The following XYLT1 variants were observed in gnomAD, a reference collection of about 807,000 sequenced individuals.
XYLT1 encodes the protein xylosyltransferase 1.
In XYLT1, 36 loss-of-function variants were observed where a neutral mutation model predicts 91.3. The ratio of observed to expected loss-of-function variants is 0.39; its 90% CI spans 0.30 to 0.52. XYLT1 has a LOEUF of 0.52. XYLT1 is among the 20% of genes least tolerant of loss of function. XYLT1 has a pLI of 0.68. For missense variants in XYLT1, 1,242 were observed against 1,284.5 expected (o/e 0.97, Z 0.51); for synonymous variants, 588 against 532.0 (o/e 1.11, Z -1.45).
At chr16:17,296,105 T>C (rs1217556484) in intron 2 of XYLT1, among the ~76,000 whole-genome samples, 1 of 152,122 alleles carries the variant, frequency 6.6e-6, no homozygotes, top group Non-Finnish European at 1.5e-5. Context: ...AAATGTCCTA[T>C]TTTATGTGGG....
In XYLT1 at chr16:17,103,869, T is replaced by G. The variant is rs1277708114; in HGVS notation, c.*4826A>C. The G allele has an allele frequency of 2.6e-5, 4 of 152,106 alleles. No homozygotes were observed. Among genetic ancestry groups the G allele is most frequent in the African/African-American group, 9.7e-5 (4 of 41,324 alleles). 9.4% of individuals were successfully genotyped at this position (152,106 alleles called of 1,614,324 possible). ...GGCGCAAGAAAGCCCTCCTCCATCT[T>G]AAGAGGGTCCTATACAGTATCTTGT... On this transcript the variant is annotated 3_prime_UTR_variant, in exon 12 of 12. Transcript: ENST00000261381.
intron 1 of XYLT1, among the ~76,000 whole-genome samples, chr16:17,460,762 A>G (rs896005856): frequency 1.3e-5 from 2 of 152,194 alleles, no homozygotes; most frequent in Admixed American, 1.3e-4. Flanking sequence ...CCAAAAATCT[A>G]CGCTGTCTCA....
At chr16:17,190,629 C>A (rs903182679) in intron 5 of XYLT1, among the ~76,000 whole-genome samples, 3 of 152,026 alleles carry the variant, frequency 2.0e-5, no homozygotes, top group Non-Finnish European at 4.4e-5. Flanking sequence ...TGAACTCATC[C>A]TTTTTTATGG....
intron 1 of XYLT1, among the ~76,000 whole-genome samples, chr16:17,416,216 C>A (rs983324491): frequency 2.6e-5 from 4 of 152,222 alleles, no homozygotes; most frequent in African/African-American, 9.7e-5. Context: ...TGTCTCCAGA[C>A]ATTGCCAGAT....
intron 3 of XYLT1, among the ~76,000 whole-genome samples, chr16:17,215,078 G>A (rs997672919): frequency 2.6e-5 from 4 of 152,160 alleles, no homozygotes; most frequent in African/African-American, 9.6e-5. Flanking sequence ...AAGTTGGGCC[G>A]AGTGTGGCGG....
chr16:17,315,574 T>C (rs545881408), intron 2 of XYLT1, among the ~76,000 whole-genome samples: 1 of 152,296 alleles, frequency 6.6e-6, no homozygotes, highest in African/African-American at 2.4e-5. Flanking sequence ...AGGATGTCTA[T>C]TATTCTAGGA....
chr16:17,152,600 C>A (rs989680518), intron 6 of XYLT1, among the ~76,000 whole-genome samples: 2 of 152,188 alleles, frequency 1.3e-5, no homozygotes, highest in Non-Finnish European at 2.9e-5. Flanking sequence ...GACTGATTTG[C>A]CAACTTTTGT....
intron 1 of XYLT1, among the ~76,000 whole-genome samples, chr16:17,466,640 T>TA (rs1555459241): frequency 1.3e-5 from 2 of 152,252 alleles, no homozygotes; most frequent in Non-Finnish European, 1.5e-5. Context: ...AATGAATTGA[T>TA]AAACTGAAGA....
At chr16:17,230,803 C>T (rs912963110) in intron 3 of XYLT1, among the ~76,000 whole-genome samples, 1 of 152,158 alleles carries the variant, frequency 6.6e-6, no homozygotes, top group African/African-American at 2.4e-5. Flanking sequence ...AACTCAGTGG[C>T]CCTCAACTGG....
chr16:17,379,206 G>C (rs149911166), intron 1 of XYLT1, among the ~76,000 whole-genome samples: 2 of 152,240 alleles, frequency 1.3e-5, no homozygotes, highest in East Asian at 3.9e-4. Context: ...ACCACACTCC[G>C]CTCCAAGGAG....
chr16:17,399,386 G>C (rs1391700298), intron 1 of XYLT1, among the ~76,000 whole-genome samples: 1 of 152,180 alleles, frequency 6.6e-6, no homozygotes, highest in Middle Eastern at 3.2e-3. Flanking sequence ...TCAAGGGAAG[G>C]GGTGTGGACA....
intron 3 of XYLT1, among the ~76,000 whole-genome samples, chr16:17,238,150 T>G (rs1305526016): frequency 6.6e-6 from 1 of 152,210 alleles, no homozygotes; most frequent in African/African-American, 2.4e-5. Flanking sequence ...GAGAAACAAG[T>G]TGCAGTTATT....
intron 3 of XYLT1, among the ~76,000 whole-genome samples, chr16:17,229,096 A>G (rs1399249559): frequency 6.6e-6 from 1 of 152,094 alleles, no homozygotes; most frequent in Non-Finnish European, 1.5e-5. Context: ...CAGCCTCCCA[A>G]GTAGCTGGGA....
At chr16:17,189,297 G>A (rs1054859734) in intron 5 of XYLT1, among the ~76,000 whole-genome samples, 1 of 152,164 alleles carries the variant, frequency 6.6e-6, no homozygotes, top group Admixed American at 6.5e-5. Context: ...TTTCTTTCCC[G>A]TTCAGCTGAG....
chr16:17,286,073 T>A (rs1596465872), intron 2 of XYLT1, among the ~76,000 whole-genome samples: 2 of 152,290 alleles, frequency 1.3e-5, no homozygotes, highest in Admixed American at 1.3e-4. Flanking sequence ...ACTTTCATGA[T>A]CTTCTCTGAC....
At chr16:17,197,901 A>C in intron 5 of XYLT1, 1 of 396,010 alleles carries the variant, frequency 2.5e-6, no homozygotes, top group Non-Finnish European at 4.6e-6. Flanking sequence ...TTATATATAC[A>C]CCTATCCTGT....
intron 1 of XYLT1, among the ~76,000 whole-genome samples, chr16:17,398,907 C>T (rs1414266533): frequency 7.1e-6 from 1 of 141,350 alleles, no homozygotes; most frequent in East Asian, 2.2e-4. Flanking sequence ...TGCAGTGGCT[C>T]GATCTCGGCT....
chr16:17,238,316 G>A (rs1380507650), intron 3 of XYLT1, among the ~76,000 whole-genome samples: 1 of 152,226 alleles, frequency 6.6e-6, no homozygotes, highest in African/African-American at 2.4e-5. Flanking sequence ...GAGTTAGACT[G>A]TAAATATTAG....
At chr16:17,332,903 A>G (rs1306325072) in intron 2 of XYLT1, among the ~76,000 whole-genome samples, 2 of 152,142 alleles carry the variant, frequency 1.3e-5, no homozygotes, top group Non-Finnish European at 2.9e-5. Context: ...TAGCTCAAGC[A>G]GAATCCAGAG....
Sources: allele counts gnomAD v4.1 joint callset (sites outside exome capture counted in the v4.1 genomes callset), GRCh38; gene constraint gnomAD v4.1.1; transcripts MANE v1.5; gene names NCBI Gene and HGNC (gene_info 2026-07-23, HGNC 2026-07-21).